RP2: variants seen among roughly 807,000 people sequenced by gnomAD.
The protein encoded by RP2 is RP2 activator of ARL3 GTPase.
RP2 carries 3 observed loss-of-function variants against 20.3 expected under a neutral mutation model. The observed-to-expected ratio is 0.15, with a 90% confidence interval of 0.07 to 0.38. The LOEUF (loss-of-function observed/expected upper bound fraction) is 0.38. Ranked by LOEUF, RP2 falls within the 10% of genes least tolerant of loss-of-function variation. RP2 has a pLI of 1.00. For synonymous variants in RP2, 75 were observed against 94.8 expected, an observed-to-expected ratio of 0.79 and a Z score of 1.22; for missense variants, 233 against 268.5, an observed-to-expected ratio of 0.87 and a Z score of 0.92.
At chrX:46,860,182 GT>G (rs1925039140) in intron 3 of RP2, 80 bp downstream of exon 3, 1 of 643,750 alleles carries the variant, frequency 1.6e-6, no homozygotes, top group Non-Finnish European at 2.5e-6. Context: ...TTTAACATTT[GT>G]TTTACATTGC....
At chrX:46,840,176 C>T (rs1007358047) in intron 1 of RP2, among the ~76,000 whole-genome samples, 12 of 112,154 alleles carry the variant, frequency 1.1e-4, no homozygotes, top group African/African-American at 3.6e-4. Context: ...GACAGGGTTT[C>T]ACCTTGTTGG....
Position 46,855,259 on chromosome X carries a change from T to C in RP2, c.768+1118T>C, listed in dbSNP as rs782248277. On this transcript the variant is annotated intron_variant, in intron 2 of 4. Coordinates refer to ENST00000218340, the MANE Select transcript of RP2 (RefSeq NM_006915.3). ...TGAGCTCATGAATAGAGAAGGCTTT[T>C]TGGGGTAGCAGCTTCTGCTTGAAAA... Among the ~76,000 whole-genome samples, 4 of 109,363 alleles carry C rather than the reference T, an allele frequency of 3.7e-5. No homozygotes were observed. The East Asian group carries it at 1.2e-3, about 32-fold the overall frequency. The allele number at this position is 109,363 out of a possible 115,157, so 95.0% of individuals were successfully genotyped here.
intron 1 of RP2, among the ~76,000 whole-genome samples, chrX:46,847,694 G>GTGTGTGTGTATATACACACATA (rs1924742811): frequency 2.2e-5 from 2 of 89,661 alleles, no homozygotes; most frequent in African/African-American, 9.4e-5. Flanking sequence ...CTATATATAT[G>GTGTGTGTGTATATACACACATA]TGTGTGTGTA....
intron 1 of RP2, among the ~76,000 whole-genome samples, chrX:46,847,741 C>CGTGTGTGTGT (rs1924752138): frequency 1.2e-5 from 1 of 85,953 alleles, no homozygotes; most frequent in African/African-American, 4.7e-5. Flanking sequence ...TATATACACA[C>CGTGTGTGTGT]ATATGTGTGT....
At chrX:46,869,443 G>A in intron 3 of RP2, among the ~76,000 whole-genome samples, 1 of 103,822 alleles carries the variant, frequency 9.6e-6, no homozygotes, top group Non-Finnish European at 2.0e-5. Flanking sequence ...GGGATTACAG[G>A]CACGCCACCA....
chrX:46,847,787 C>CATGTGTGTGTATATACACACAT lies in RP2; in HGVS notation c.103-5679_103-5678insATATACACACATATGTGTGTGT, dbSNP rs1924771651. ...ACACATGTGTGTGTGTACATACACA[C>CATGTGTGTGTATATACACACAT]ATGTGTGTGTGTATATATATACACA... On this transcript the variant is annotated intron_variant, in intron 1 of 4. Transcript: ENST00000218340. Among the ~76,000 whole-genome samples, 80 of 82,641 alleles carry CATGTGTGTGTATATACACACAT rather than the reference C, an allele frequency of 9.7e-4. 2 individuals are homozygous for CATGTGTGTGTATATACACACAT. Among genetic ancestry groups the CATGTGTGTGTATATACACACAT allele is most frequent in the African/African-American group, 4.1e-3 (77 of 18,621 alleles). 71.8% of individuals were successfully genotyped at this position (82,641 alleles called of 115,157 possible).
chrX:46,862,636 G>A (rs1272581282), intron 3 of RP2, among the ~76,000 whole-genome samples: 1 of 111,520 alleles, frequency 9.0e-6, no homozygotes, highest in Non-Finnish European at 1.9e-5. Context: ...CTCCAGCCTG[G>A]GCGACAGAGC....
chrX:46,867,343 C>T (rs1225906153), intron 3 of RP2, among the ~76,000 whole-genome samples: 3 of 112,598 alleles, frequency 2.7e-5, no homozygotes, highest in East Asian at 2.8e-4. Flanking sequence ...TCAGGCGATC[C>T]GCCCGCCTCG....
intron 1 of RP2, among the ~76,000 whole-genome samples, chrX:46,847,790 G>GTGTGTGTGTATATACACACA (rs1569531404): frequency 2.5e-5 from 2 of 80,072 alleles, no homozygotes; most frequent in African/African-American, 1.1e-4. Flanking sequence ...ATACACACAT[G>GTGTGTGTGTATATACACACA]TGTGTGTGTA....
At chrX:46,852,091 C>T (rs1451136873) in intron 1 of RP2, among the ~76,000 whole-genome samples, 6 of 110,962 alleles carry the variant, frequency 5.4e-5, no homozygotes, top group Non-Finnish European at 1.1e-4. Context: ...ACCTGTGGTC[C>T]CAGCTACTTG....
intron 3 of RP2, among the ~76,000 whole-genome samples, chrX:46,866,067 C>CT (rs1451448237): frequency 2.7e-5 from 3 of 111,798 alleles, no homozygotes; most frequent in South Asian, 3.7e-4. Context: ...TTTAGGTTGG[C>CT]TTTTTTGTCC....
chrX:46,868,822 G>A (rs1171314839), intron 3 of RP2, among the ~76,000 whole-genome samples: 2 of 108,199 alleles, frequency 1.8e-5, no homozygotes, highest in Non-Finnish European at 3.8e-5. Flanking sequence ...GTGGCCAGGC[G>A]CAGTGGCTCA....
intron 4 of RP2, among the ~76,000 whole-genome samples, chrX:46,879,185 G>A (rs1203201529): frequency 9.2e-6 from 1 of 108,288 alleles, no homozygotes; most frequent in Admixed American, 1.0e-4. Context: ...GCTGCAGTGA[G>A]CCATGATTGC....
At chrX:46,858,352 T>C (rs1220737901) in intron 2 of RP2, among the ~76,000 whole-genome samples, 9 of 112,091 alleles carry the variant, frequency 8.0e-5, no homozygotes, top group African/African-American at 2.6e-4. Flanking sequence ...AGCACCCTGG[T>C]TGATATTTCT....
chrX:46,860,164 C>A, intron 3 of RP2, 62 bp downstream of exon 3: 1 of 790,304 alleles, frequency 1.3e-6, no homozygotes, highest in Non-Finnish European at 1.9e-6. Context: ...ATTTGATTTA[C>A]TTTTGCCTTT....
intron 1 of RP2, among the ~76,000 whole-genome samples, chrX:46,851,393 T>C (rs1924856352): frequency 9.0e-6 from 1 of 111,099 alleles, no homozygotes; most frequent in Admixed American, 9.6e-5. Flanking sequence ...TCCCAGCACT[T>C]TGGGAGGCCA....
At chrX:46,866,420 G>C (rs1925174553) in intron 3 of RP2, among the ~76,000 whole-genome samples, 1 of 111,814 alleles carries the variant, frequency 8.9e-6, no homozygotes, top group Non-Finnish European at 1.9e-5. Context: ...GCACCACAGG[G>C]TTCATTCTAG....
intron 3 of RP2, among the ~76,000 whole-genome samples, chrX:46,868,867 A>G (rs1556324209): frequency 9.1e-6 from 1 of 109,780 alleles, no homozygotes; most frequent in African/African-American, 3.3e-5. Flanking sequence ...AGGCTGAGGC[A>G]GGTGGATCAC....
In RP2 at chrX:46,851,804, C is replaced by T. The variant is rs782231098; in HGVS notation, c.103-1672C>T. Among the ~76,000 whole-genome samples, 19 of 111,818 alleles carry T rather than the reference C, an allele frequency of 1.7e-4. No individual in the cohort carries two copies. The South Asian group carries it at 2.6e-3, about 15-fold the overall frequency. ...AACAGGGGCCAGGCGTGGTGGCTCA[C>T]GCCTGTAATCCCAGCATTTTGGGAG... is the stretch of plus-strand genomic sequence containing the variant. On this transcript the variant is annotated intron_variant, in intron 1 of 4. Transcript: ENST00000218340.
Sources: allele counts gnomAD v4.1 joint callset (sites outside exome capture counted in the v4.1 genomes callset), GRCh38; gene constraint gnomAD v4.1.1; transcripts MANE v1.5; gene names NCBI Gene and HGNC (gene_info 2026-07-23, HGNC 2026-07-21).